Variants in ZNF717 observed in about 807,000 individuals in gnomAD.
ZNF717 encodes the protein zinc finger protein 717, also known as krueppel-like factor X17.
Under a neutral mutation model 13.8 loss-of-function variants are expected in ZNF717, and 9 were observed. That is an observed-to-expected ratio of 0.65 (90% CI 0.39 to 1.14). ZNF717 has a LOEUF of 1.14. Ranked by LOEUF, ZNF717 falls within the 50% of genes most tolerant of loss-of-function variation. The probability of loss-of-function intolerance (pLI) is 0.01; values close to 1 mark genes in which losing one functional copy is unlikely to be tolerated. For missense variants in ZNF717, 1,040 were observed against 1,080.7 expected (o/e 0.96, Z 0.53); for synonymous variants, 327 against 364.1 (o/e 0.90, Z 1.16).
intron 4 of ZNF717, among the ~76,000 whole-genome samples, chr3:75,719,290 A>AAG (rs1447509000): frequency 2.6e-5 from 4 of 151,890 alleles, no homozygotes; most frequent in African/African-American, 9.7e-5. Context: ...GTCTCAAAAA[A>AAG]AAAAAAAAGA....
At chr3:75,773,198 G>GAA (rs996801764) in intron 2 of ZNF717, among the ~76,000 whole-genome samples, 10 of 142,766 alleles carry the variant, frequency 7.0e-5, no homozygotes, top group African/African-American at 2.6e-4. Context: ...GCTTAGGTAG[G>GAA]AAAAAAAAAA....
At position 75,737,369 on chromosome 3, in the gene ZNF717, G is replaced by A. The variant is rs1939457976; in HGVS notation, c.2254C>T (p.His752Tyr). 1 of 1,552,734 alleles carries A rather than the reference G, an allele frequency of 6.4e-7. No individual in the cohort carries two copies. ...CATTCATAAGGTTTTTCTCCGGTAT[G>A]GGTTCTATGATGTACAGTGAGGACT... Reference protein sequence around the residue: ...KSVLTVHHRTHTGEKPYECNE... With the variant: ...KSVLTVHHRTYTGEKPYECNE... The change falls in exon 5 of 5, where the codon CAT becomes TAT. Residue 752 changes from histidine (H) to tyrosine (Y), a missense_variant. Physicochemically the swap from His to Tyr is moderately conservative, Grantham distance 83. This residue lies in a region of ZNF717 where 873 missense variants were observed against 832.8 expected (regional missense o/e 1.05). Transcript: ENST00000652011.
At chr3:75,719,585 C>T (rs62248775) in intron 4 of ZNF717, among the ~76,000 whole-genome samples, 2 of 152,126 alleles carry the variant, frequency 1.3e-5, no homozygotes, top group African/African-American at 4.8e-5. Context: ...AGATGCCATC[C>T]GCCTCAGTGT....
chr3:75,739,631 T>A lies in ZNF717; in HGVS notation c.278-286A>T, dbSNP rs1177767680. ...GTAATAATATGCATCTACTTCCTAC[T>A]CATAGGTTTTAATAAGTGCTCATTA... On this transcript the variant is annotated intron_variant, in intron 4 of 4. Transcript: ENST00000652011. Among the ~76,000 whole-genome samples, 11 of 152,106 alleles carry A rather than the reference T, an allele frequency of 7.2e-5. 1 individual carries two copies. The highest frequency in any genetic ancestry group is 4.1e-4 in the South Asian group (2 of 4,826).
chr3:75,726,161 C>A (rs1362648305), downstream of ZNF717, among the ~76,000 whole-genome samples: 2 of 152,280 alleles, frequency 1.3e-5, no homozygotes, highest in African/African-American at 2.4e-5. Context: ...GTGCTCTTCA[C>A]AATGAAGATC....
At chr3:75,712,935 A>G (rs1937970810) in intron 5 of ZNF717, among the ~76,000 whole-genome samples, 1 of 142,482 alleles carries the variant, frequency 7.0e-6, no homozygotes, top group East Asian at 2.2e-4. Context: ...TTTAAGGCAC[A>G]CTTTTATATA....
chr3:75,755,222 G>T (rs1006098449), intron 2 of ZNF717, among the ~76,000 whole-genome samples: 1 of 152,194 alleles, frequency 6.6e-6, no homozygotes, highest in East Asian at 1.9e-4. Flanking sequence ...GGAAACAAAA[G>T]ATATATAACT....
chr3:75,776,745 G>C (rs1194024596), intron 2 of ZNF717, among the ~76,000 whole-genome samples: 4 of 152,232 alleles, frequency 2.6e-5, no homozygotes, highest in Non-Finnish European at 5.9e-5. Context: ...TCCCCCAGAA[G>C]AAGATGGCAT....
intron 2 of ZNF717, among the ~76,000 whole-genome samples, chr3:75,771,379 T>TCCC (rs528719930): frequency 1.8e-4 from 28 of 152,362 alleles, no homozygotes; most frequent in African/African-American, 6.0e-4. Flanking sequence ...CTGCTGTGAT[T>TCCC]CTGGGGGCTG....
At chr3:75,753,878 A>G (rs75972444) in intron 2 of ZNF717, among the ~76,000 whole-genome samples, 3 of 152,018 alleles carry the variant, frequency 2.0e-5, no homozygotes, top group Admixed American at 6.6e-5. Context: ...AAGGGTCTGA[A>G]TGTTTGTCCC....
At chr3:75,728,794 T>C (rs1938356809), downstream of ZNF717, among the ~76,000 whole-genome samples, 2 of 152,228 alleles carry the variant, frequency 1.3e-5, no homozygotes, top group Non-Finnish European at 2.9e-5. Context: ...GTCTTGAGTA[T>C]TTCTTCAGAG....
At chr3:75,715,422 C>A (rs77096627) in intron 5 of ZNF717, among the ~76,000 whole-genome samples, 2 of 152,052 alleles carry the variant, frequency 1.3e-5, no homozygotes, top group African/African-American at 4.8e-5. Flanking sequence ...AATTTTTGTG[C>A]TAGACATACC....
At chr3:75,775,340 T>A (rs1944226884) in intron 2 of ZNF717, among the ~76,000 whole-genome samples, 1 of 137,256 alleles carries the variant, frequency 7.3e-6, no homozygotes, top group Non-Finnish European at 1.6e-5. Context: ...CTATAACTAT[T>A]TAAAGTCATT....
At chr3:75,758,968 A>T (rs1942734804) in intron 2 of ZNF717, among the ~76,000 whole-genome samples, 1 of 151,662 alleles carries the variant, frequency 6.6e-6, no homozygotes, top group South Asian at 2.1e-4. Flanking sequence ...CCACAGAGTG[A>T]AATCCTATCA....
intron 2 of ZNF717, among the ~76,000 whole-genome samples, chr3:75,776,118 T>A (rs1944299833): frequency 6.6e-6 from 1 of 152,242 alleles, no homozygotes; most frequent in South Asian, 2.1e-4. Flanking sequence ...AGTCTAATGT[T>A]AATTAAGCAC....
intron 4 of ZNF717, among the ~76,000 whole-genome samples, chr3:75,724,583 C>T (rs1489444030): frequency 2.6e-5 from 4 of 152,180 alleles, no homozygotes; most frequent in Non-Finnish European, 5.9e-5. Flanking sequence ...AAACAGAATA[C>T]TGAAAAGACA....
downstream of ZNF717, among the ~76,000 whole-genome samples, chr3:75,735,632 CAATA>C (rs1939083028): frequency 3.9e-5 from 1 of 25,428 alleles, no homozygotes; most frequent in African/African-American, 2.0e-4. Context: ...GTGACTGTCT[CAATA>C]AAAAAAAAAA....
intron 2 of ZNF717, among the ~76,000 whole-genome samples, chr3:75,758,109 T>A (rs1298876737): frequency 1.0e-5 from 1 of 97,544 alleles, no homozygotes; most frequent in East Asian, 2.9e-4. Context: ...CAAGACTCCA[T>A]CTCAAAAAAA....
chr3:75,709,937 G>A (rs555714384), exon 6 of ZNF717: 1 of 152,160 alleles, frequency 6.6e-6, no homozygotes, highest in East Asian at 1.9e-4. Context: ...ATTGAGGCAG[G>A]GGGTAATTGG....
Sources: gnomAD v4.1 joint callset for allele counts (sites outside exome capture counted in the v4.1 genomes callset) on GRCh38, gnomAD v4.1.1 for gene constraint, gnomAD v4.1.1 regional missense constraint, MANE v1.5 for transcripts, NCBI Gene and HGNC (gene_info 2026-07-23, HGNC 2026-07-21) for gene names.